Variants in SAMD12 observed in about 807,000 individuals in gnomAD.
SAMD12 encodes the protein sterile alpha motif domain containing 12, also known as sterile alpha motif domain-containing protein 12.
SAMD12 carries 9 observed loss-of-function variants against 15.0 expected under a neutral mutation model. The ratio of observed to expected loss-of-function variants is 0.60; its 90% CI spans 0.36 to 1.05. The LOEUF (loss-of-function observed/expected upper bound fraction) is 1.05. SAMD12 is among the 50% of genes least tolerant of loss of function. The probability of loss-of-function intolerance (pLI) is 0.01; values close to 1 mark genes in which losing one functional copy is unlikely to be tolerated. For missense variants in SAMD12, 230 were observed against 234.2 expected (o/e 0.98, Z 0.12); for synonymous variants, 86 against 90.1 (o/e 0.96, Z 0.25).
At chr8:118,176,331 A>G in the SAMD12 span, among the ~76,000 whole-genome samples, 1 of 152,160 alleles carries the variant, frequency 6.6e-6, no homozygotes, top group Admixed American at 6.5e-5. Flanking sequence ...GAAAAAGAAT[A>G]TAAATTGTTC....
intron 4 of SAMD12, among the ~76,000 whole-genome samples, chr8:118,293,722 A>T (rs1165116646): frequency 6.6e-6 from 1 of 152,212 alleles, no homozygotes; most frequent in Non-Finnish European, 1.5e-5. Context: ...GGCAGGTCAT[A>T]GTTCTCAAAG....
chr8:118,454,866 C>T (rs1440480379), intron 2 of SAMD12, among the ~76,000 whole-genome samples: 1 of 152,188 alleles, frequency 6.6e-6, no homozygotes, highest in African/African-American at 2.4e-5. Context: ...ACTCTATCCT[C>T]ATATAAGTGG....
intron 2 of SAMD12, among the ~76,000 whole-genome samples, chr8:118,572,133 T>C (rs552940576): frequency 4.3e-4 from 66 of 152,340 alleles, no homozygotes; most frequent in African/African-American, 1.6e-3. Flanking sequence ...AGGAGATCAT[T>C]TGGAACTTTA....
chr8:118,355,927 C>G (rs1376905353), intron 4 of SAMD12, among the ~76,000 whole-genome samples: 2 of 152,154 alleles, frequency 1.3e-5, no homozygotes, highest in Non-Finnish European at 2.9e-5. Context: ...GCTGTATACC[C>G]TAAATGATCC....
intron 4 of SAMD12, among the ~76,000 whole-genome samples, chr8:118,234,257 C>T (rs1426500393): frequency 6.6e-6 from 1 of 151,858 alleles, no homozygotes; most frequent in East Asian, 1.9e-4. Flanking sequence ...CCTAAAAGGC[C>T]TTCCTTGACT....
the SAMD12 span, among the ~76,000 whole-genome samples, chr8:118,168,257 G>A: frequency 3.3e-5 from 5 of 152,170 alleles, no homozygotes; most frequent in African/African-American, 1.2e-4. Flanking sequence ...TGTTGGGTTT[G>A]GCCAAAGGAG....
chr8:118,312,149 C>T (rs1815663105), intron 4 of SAMD12, among the ~76,000 whole-genome samples: 1 of 151,706 alleles, frequency 6.6e-6, no homozygotes, highest in Non-Finnish European at 1.5e-5. Flanking sequence ...TTATTTTAAT[C>T]ACCATGTAGA....
chr8:118,487,873 A>G (rs904594199), intron 2 of SAMD12, among the ~76,000 whole-genome samples: 2 of 152,326 alleles, frequency 1.3e-5, no homozygotes, highest in East Asian at 3.9e-4. Context: ...TGAAAGACAG[A>G]CTGACAAAAC....
chr8:118,548,633 A>G (rs1826213236), intron 2 of SAMD12, among the ~76,000 whole-genome samples: 1 of 152,162 alleles, frequency 6.6e-6, no homozygotes, highest in African/African-American at 2.4e-5. Context: ...TTTTCATCTG[A>G]GGTACCGGGT....
In SAMD12 at chr8:118,284,368, T is replaced by C. The variant is rs1334025785; in HGVS notation, c.434-86636A>G. Reference sequence around the variant, plus strand: ...AATATGCTTCTGTAAATTTTCACACTGAATTGGACAAGAATCAGAATATCC... The same window carrying C: ...AATATGCTTCTGTAAATTTTCACACCGAATTGGACAAGAATCAGAATATCC... On this transcript the variant is annotated intron_variant, in intron 4 of 4. Transcript: ENST00000409003. 5 of 455,808 alleles carry C rather than the reference T, an allele frequency of 1.1e-5. No individual in the cohort carries two copies. The Admixed American group carries it at 1.2e-4, about 11-fold the overall frequency. The allele number at this position is 455,808 out of a possible 1,614,324, so 28.2% of individuals were successfully genotyped here. A position where few individuals can be genotyped will look rare whatever the true frequency, so the allele number is the denominator to read the frequency against.
chr8:118,457,309 C>T (rs1823288176), intron 2 of SAMD12, among the ~76,000 whole-genome samples: 1 of 151,082 alleles, frequency 6.6e-6, no homozygotes, highest in African/African-American at 2.4e-5. Context: ...TCGCTCACTG[C>T]AGCCTCAAAC....
At chr8:118,155,947 A>T in the SAMD12 span, among the ~76,000 whole-genome samples, 1 of 152,352 alleles carries the variant, frequency 6.6e-6, no homozygotes. Flanking sequence ...AAGTAAATCC[A>T]AGCATTTCTA....
chr8:118,587,788 G>A (rs184723089), intron 1 of SAMD12, among the ~76,000 whole-genome samples: 2 of 152,336 alleles, frequency 1.3e-5, no homozygotes, highest in Admixed American at 1.3e-4. Flanking sequence ...TTGAGAGTCT[G>A]TGAGAAAAGT....
chr8:118,496,605 A>G (rs1824619883), intron 2 of SAMD12, among the ~76,000 whole-genome samples: 1 of 152,200 alleles, frequency 6.6e-6, no homozygotes, highest in Admixed American at 6.5e-5. Context: ...TAAAACCTCA[A>G]ACTATAAAAA....
intron 2 of SAMD12, among the ~76,000 whole-genome samples, chr8:118,458,524 T>C (rs1823323947): frequency 6.6e-6 from 1 of 152,182 alleles, no homozygotes; most frequent in Non-Finnish European, 1.5e-5. Flanking sequence ...TCAGAGAGAA[T>C]CAAGTGCAGG....
intron 2 of SAMD12, among the ~76,000 whole-genome samples, chr8:118,484,773 AG>A (rs1237754715): frequency 1.7e-4 from 26 of 152,182 alleles, no homozygotes; most frequent in African/African-American, 6.0e-4. Flanking sequence ...TCACAGAAGC[AG>A]AAGATGGCCA....
downstream of SAMD12, among the ~76,000 whole-genome samples, chr8:118,373,472 A>AT (rs1819212769): frequency 6.6e-6 from 1 of 152,198 alleles, no homozygotes; most frequent in African/African-American, 2.4e-5. Context: ...TAGTCCGTAC[A>AT]TATAGTTCTA....
At position 118,403,080 on chromosome 8, in the gene SAMD12, G is replaced by A. The variant is rs576666693; in HGVS notation, c.323-23380C>T. Reference sequence around the variant, plus strand: ...GTGAATTGGGTACTAAGCTTCTCTCGTGATTTATCACATATCTTCACACAA... The same window carrying A: ...GTGAATTGGGTACTAAGCTTCTCTCATGATTTATCACATATCTTCACACAA... On this transcript the variant is annotated intron_variant, in intron 3 of 3. Coordinates refer to ENST00000314727, the MANE Select transcript of SAMD12 (RefSeq NM_207506.3). Among the ~76,000 whole-genome samples the A allele has an allele frequency of 3.0e-4, 46 of 152,304 alleles. 1 individual carries two copies. The South Asian group carries it at 8.7e-3, about 29-fold the overall frequency.
chr8:118,331,430 G>A (rs2450222), intron 4 of SAMD12, among the ~76,000 whole-genome samples: 98,915 of 152,102 alleles, frequency 0.65, 33,632 homozygotes, highest in African/African-American at 0.86. Flanking sequence ...ACTCTAAGAA[G>A]AAGACACTTC....
Sources: gnomAD v4.1 joint callset for allele counts (sites outside exome capture counted in the v4.1 genomes callset) on GRCh38, gnomAD v4.1.1 for gene constraint, MANE v1.5 for transcripts, NCBI Gene and HGNC (gene_info 2026-07-23, HGNC 2026-07-21) for gene names.